The following MMD variants were observed in gnomAD, a reference collection of about 807,000 sequenced individuals.
MMD encodes monocyte to macrophage differentiation factor.
Under a neutral mutation model 33.6 loss-of-function variants are expected in MMD, and 22 were observed. The observed-to-expected ratio is 0.66, with a 90% CI of 0.47 to 0.94. MMD has a LOEUF of 0.94. MMD is among the 40% of genes least tolerant of loss of function. The pLI is 0.00. For synonymous variants in MMD, 97 were observed against 103.2 expected (o/e 0.94, Z 0.36); for missense variants, 242 against 309.8 (o/e 0.78, Z 1.64).
At chr17:55,404,799 C>T (rs1305287605) in intron 4 of MMD, 16 of 980,152 alleles carry the variant, frequency 1.6e-5, no homozygotes, top group Non-Finnish European at 1.9e-5. Context: ...CAGTGGCTCA[C>T]ACCTGTAATC....
intron 2 of MMD, among the ~76,000 whole-genome samples, chr17:55,412,854 T>C (rs1030288119): frequency 3.3e-5 from 5 of 151,966 alleles, no homozygotes; most frequent in African/African-American, 1.2e-4. Flanking sequence ...ATGTATTTCA[T>C]TTAAAGGAAT....
intron 3 of MMD, among the ~76,000 whole-genome samples, chr17:55,409,970 AT>A (rs1907701877): frequency 6.6e-6 from 1 of 152,182 alleles, no homozygotes; most frequent in Admixed American, 6.5e-5. Flanking sequence ...TGCCCTTGTG[AT>A]TCAATGCTGT....
In MMD at chr17:55,393,537, T is replaced by C. The variant is rs1906994509; in HGVS notation, c.*797A>G. ...CCCTGAAGAGAATGTGGCAAAGGCA[T>C]AGAGAAAAAGTTGGATCTTTTGAAA... On this transcript the variant is annotated 3_prime_UTR_variant, in exon 7 of 7. Coordinates refer to ENST00000262065, the MANE Select transcript of MMD (RefSeq NM_012329.3). The C allele has an allele frequency of 6.6e-6, 1 of 152,620 alleles. No individual in the cohort carries two copies. The highest frequency in any genetic ancestry group is 1.5e-5 in the Non-Finnish European group (1 of 68,034). 9.5% of individuals were successfully genotyped at this position (152,620 alleles called of 1,614,324 possible).
chr17:55,395,398 T>G (rs890098090), intron 6 of MMD, among the ~76,000 whole-genome samples: 1 of 152,240 alleles, frequency 6.6e-6, no homozygotes, highest in Admixed American at 6.5e-5. Context: ...AATGGAAACC[T>G]AAGGCAGATC....
At chr17:55,396,305 A>C (rs1052697788) in intron 6 of MMD, among the ~76,000 whole-genome samples, 4 of 152,222 alleles carry the variant, frequency 2.6e-5, no homozygotes, top group African/African-American at 7.2e-5. Flanking sequence ...AGGTACTATT[A>C]TCTCCATTAT....
chr17:55,420,265 T>C (rs1338244061), intron 1 of MMD: 1 of 152,214 alleles, frequency 6.6e-6, no homozygotes, highest in African/African-American at 2.4e-5. Flanking sequence ...TCACTGATCA[T>C]GACTGGAGTG....
intron 2 of MMD, among the ~76,000 whole-genome samples, chr17:55,412,044 T>C (rs887756674): frequency 2.6e-5 from 4 of 152,104 alleles, no homozygotes; most frequent in Non-Finnish European, 5.9e-5. Flanking sequence ...ACCACTGAAC[T>C]CCAACCTGGG....
chr17:55,406,302 G>A (rs935140969), intron 4 of MMD, among the ~76,000 whole-genome samples: 1 of 152,142 alleles, frequency 6.6e-6, no homozygotes, highest in African/African-American at 2.4e-5. Context: ...GCTGAGACAG[G>A]AGAATCACTT....
chr17:55,403,960 A>AAAG, intron 4 of MMD, 92 bp from the exon 5 acceptor site: 2 of 1,027,102 alleles, frequency 1.9e-6, no homozygotes, highest in Admixed American at 2.2e-5. Context: ...AAGTCTTAGG[A>AAAG]TAAGAGCAGG....
In MMD at chr17:55,421,763, C is replaced by A; in HGVS notation, c.-68G>T. ...CAGCACCGGCGGCCGGGCGCGCGGC[C>A]CTCATGGGCTTGGGCTGCTCCGGAG... On this transcript the variant is annotated 5_prime_UTR_variant, in exon 1 of 7. Coordinates refer to ENST00000262065, the MANE Select transcript of MMD (RefSeq NM_012329.3). 1 of 1,545,000 alleles carries A rather than the reference C, an allele frequency of 6.5e-7. No homozygotes were observed. Among genetic ancestry groups the A allele is most frequent in the South Asian group, 1.2e-5 (1 of 84,924 alleles).
chr17:55,407,245 C>T (rs1463153053), intron 4 of MMD, among the ~76,000 whole-genome samples: 2 of 151,784 alleles, frequency 1.3e-5, no homozygotes, highest in Admixed American at 6.6e-5. Flanking sequence ...AGGAGAATCT[C>T]TTAAACTCGG....
intron 1 of MMD, among the ~76,000 whole-genome samples, chr17:55,414,471 C>T (rs956013826): frequency 1.5e-4 from 22 of 150,508 alleles, no homozygotes; most frequent in Admixed American, 1.4e-3. Flanking sequence ...AAAAGAAAAA[C>T]CTTCCATAAC....
chr17:55,421,676 A>G lies in MMD; in HGVS notation c.20T>C (p.Phe7Ser). Residue 7 changes from phenylalanine to serine, a missense_variant, in exon 1 of 7, where the codon TTC becomes TCC. By Grantham distance (155) the Phe-to-Ser change is radical. Coordinates refer to ENST00000262065, the MANE Select transcript of MMD (RefSeq NM_012329.3). ...GGGACGCCATCCCTCTCACCGCTGG[A>G]ATCGATTCTTGAACCGCATTGATCC... MRFKNR[F>S]QRFMNHRAPA... The G allele has an allele frequency of 6.3e-7, 1 of 1,598,028 alleles. No homozygotes were observed. The highest frequency in any genetic ancestry group is 8.5e-7 in the Non-Finnish European group (1 of 1,173,060).
At chr17:55,394,777 A>C (rs1907040582) in intron 6 of MMD, among the ~76,000 whole-genome samples, 1 of 152,200 alleles carries the variant, frequency 6.6e-6, no homozygotes, top group African/African-American at 2.4e-5. Context: ...CCAAATGAAA[A>C]AGCAGAACAT....
chr17:55,414,290 G>C, intron 1 of MMD, 58 bp from the exon 2 acceptor site: 1 of 1,515,542 alleles, frequency 6.6e-7, no homozygotes, highest in Non-Finnish European at 9.2e-7. Context: ...AGAACAATGA[G>C]GAAACCCACC....
At chr17:55,399,792 G>A (rs1907256345) in intron 6 of MMD, among the ~76,000 whole-genome samples, 1 of 152,230 alleles carries the variant, frequency 6.6e-6, no homozygotes, top group Non-Finnish European at 1.5e-5. Context: ...TATGAAGGCA[G>A]TGTGGGGGAT....
At chr17:55,408,004 T>C (rs1159138441) in intron 3 of MMD, among the ~76,000 whole-genome samples, 184 bp from the exon 4 acceptor site, 2 of 152,258 alleles carry the variant, frequency 1.3e-5, no homozygotes, top group Non-Finnish European at 2.9e-5. Context: ...AAAAGCTTTC[T>C]GTTATTTTTT....
Position 55,403,819 on chromosome 17 carries a change from T to C in MMD, c.394A>G (p.Ile132Val). The C allele has an allele frequency of 1.2e-6, 2 of 1,613,818 alleles. No individual in the cohort carries two copies. Among genetic ancestry groups the C allele is most frequent in the South Asian group, 2.2e-5 (2 of 91,022 alleles). The part of the protein sequence containing the change: ...GPLASHMRWF[I>V]WLMAAGGTIY... ...GTTCCTCCAGCTGCCATGAGCCAGA[T>C]AAACCAACGCATATGAGATGCCAGG... The change falls in exon 5 of 7, where the codon ATC (isoleucine) becomes GTC (valine). Residue 132 changes from isoleucine to valine, a missense_variant. Physicochemically the swap from Ile to Val is conservative, Grantham distance 29 (BLOSUM62 3). Coordinates refer to ENST00000262065, the MANE Select transcript of MMD (RefSeq NM_012329.3).
Position 55,421,609 on chromosome 17 carries a change from G to A in MMD, c.26+61C>T, listed in dbSNP as rs929568513. The A allele has an allele frequency of 3.0e-5, 47 of 1,583,628 alleles. 1 individual carries two copies. The South Asian group carries it at 3.9e-4, about 13-fold the overall frequency. On this transcript the variant is annotated intron_variant, in intron 1 of 6. Transcript: ENST00000262065. ...AGGAGCCGGGAGCCGTGCGCTTAAC[G>A]GCGGGATTTGGGAACCCGCTTCTGA...
Sources: allele counts gnomAD v4.1 joint callset (sites outside exome capture counted in the v4.1 genomes callset), GRCh38; gene constraint gnomAD v4.1.1; transcripts MANE v1.5; gene names NCBI Gene and HGNC (gene_info 2026-07-23, HGNC 2026-07-21).